Variants in ZNF384 observed in about 807,000 individuals in gnomAD.
ZNF384 encodes CAG repeat protein 1.
A neutral mutation model predicts 65.0 loss-of-function variants in ZNF384; 20 were observed. That is an observed-to-expected ratio of 0.31 (90% CI 0.22 to 0.45). The LOEUF (loss-of-function observed/expected upper bound fraction) is 0.45, where lower values mean the gene tolerates loss of function less well. Ranked by LOEUF, ZNF384 falls within the 20% of genes least tolerant of loss-of-function variation. The probability of loss-of-function intolerance (pLI) is 1.00; values close to 1 mark genes in which losing one functional copy is unlikely to be tolerated. For missense variants in ZNF384, 549 were observed against 769.4 expected, an observed-to-expected ratio of 0.71 and a Z score of 3.39; for synonymous variants, 310 against 303.9, an observed-to-expected ratio of 1.02 and a Z score of -0.21.
intron 7 of ZNF384, among the ~76,000 whole-genome samples, chr12:6,676,795 TATG>T (rs1285573092): frequency 2.0e-5 from 3 of 152,200 alleles, no homozygotes; most frequent in Non-Finnish European, 4.4e-5. Flanking sequence ...ACCTTTATAA[TATG>T]ATATGATGGA....
intron 2 of ZNF384, among the ~76,000 whole-genome samples, chr12:6,685,415 G>A (rs1261018077): frequency 6.6e-6 from 1 of 152,124 alleles, no homozygotes; most frequent in Non-Finnish European, 1.5e-5. Context: ...CTGGCAGGCT[G>A]AAAATCTGGG....
Position 6,668,994 on chromosome 12 carries a change from G to A in ZNF384, c.1425+37C>T, listed in dbSNP as rs773689901. ...GGGTGAAGTGGACTGTACTCTTAGA[G>A]GACTATGAGGAAGGAGAGAAGAAAC... On this transcript the variant is annotated intron_variant, in intron 11 of 11. Transcript: ENST00000683879. 4.5e-6 allele frequency: 7 copies of A among 1,572,072 alleles called. No individual in the cohort carries two copies. The African/African-American group carries it at 5.4e-5, about 12-fold the overall frequency.
chr12:6,676,966 C>T (rs889748949), intron 7 of ZNF384, among the ~76,000 whole-genome samples: 1 of 152,204 alleles, frequency 6.6e-6, no homozygotes, highest in Non-Finnish European at 1.5e-5. Flanking sequence ...TTTAAACACT[C>T]TGTAGGCTAC....
Position 6,673,210 on chromosome 12 carries a change from C to T in ZNF384, c.1004+6G>A. 1 of 1,613,358 alleles carries T rather than the reference C, an allele frequency of 6.2e-7. No individual in the cohort carries two copies. The highest frequency in any genetic ancestry group is 8.5e-7 in the Non-Finnish European group (1 of 1,179,578). ...AGGTGGTGGGGTAAACCAAGAGCAGCCTTACCGGGTGTGCTGCTGAAGGTG... is the reference window on the plus strand; with the variant it reads ...AGGTGGTGGGGTAAACCAAGAGCAGTCTTACCGGGTGTGCTGCTGAAGGTG... On this transcript the variant is annotated splice_donor_region_variant and intron_variant, in intron 8 of 11. Transcript: ENST00000683879. This position sits in a 1 kb window ranked among gnomAD's most constrained non-coding sequence, Gnocchi z 4.7.
chr12:6,676,236 G>A (rs1420247071), intron 7 of ZNF384, among the ~76,000 whole-genome samples: 2 of 152,104 alleles, frequency 1.3e-5, no homozygotes, highest in South Asian at 4.1e-4. Context: ...GGTGGCAGAA[G>A]TTAAGAGTGA....
rs193291165 is a variant in ZNF384, at chr12:6,682,653, A to C, written c.-5-3128T>G. On this transcript the variant is annotated intron_variant, in intron 2 of 11. Transcript: ENST00000683879. The stretch of plus-strand genomic sequence containing the variant: ...AAACCCTGTCTCAAAAACAAACAAA[A>C]AACAAAACAAAGCAAAGATGGGAGT... Among the ~76,000 whole-genome samples, 22 of 152,336 alleles carry C rather than the reference A, an allele frequency of 1.4e-4. No individual in the cohort carries two copies. The East Asian group carries it at 3.9e-3, about 27-fold the overall frequency.
chr12:6,681,120 G>A (rs1188631954), intron 2 of ZNF384, among the ~76,000 whole-genome samples: 2 of 151,632 alleles, frequency 1.3e-5, no homozygotes, highest in African/African-American at 4.9e-5. Flanking sequence ...TTGGGAGGCT[G>A]AGGCAAGAGA....
intron 2 of ZNF384, among the ~76,000 whole-genome samples, chr12:6,684,661 G>A (rs1323382240): frequency 6.6e-6 from 1 of 152,138 alleles, no homozygotes; most frequent in East Asian, 1.9e-4. Context: ...CCAAAAGGGA[G>A]ACCACAGAGA....
chr12:6,685,140 T>C (rs1957441592), intron 2 of ZNF384, among the ~76,000 whole-genome samples: 1 of 151,858 alleles, frequency 6.6e-6, no homozygotes, highest in Admixed American at 6.6e-5. Context: ...CTGGGCAAAA[T>C]AGGGAGACCC....
chr12:6,678,832 T>A lies in ZNF384; in HGVS notation c.304+114A>T. 6.8e-7 allele frequency: 1 copy of A among 1,476,474 alleles called. No individual in the cohort carries two copies. Among genetic ancestry groups the A allele is most frequent in the Non-Finnish European group, 9.4e-7 (1 of 1,064,046 alleles). The allele number at this position is 1,476,474 out of a possible 1,614,324, so 91.5% of individuals were successfully genotyped here. A position where few individuals can be genotyped will look rare whatever the true frequency, so the allele number is the denominator to read the frequency against. On this transcript the variant is annotated intron_variant, in intron 4 of 11. Coordinates refer to ENST00000683879, the MANE Select transcript of ZNF384 (RefSeq NM_001385745.1). This position sits in a 1 kb window ranked among gnomAD's most constrained non-coding sequence, Gnocchi z 4.9. ...CACACAGTAGGCACTTAATAAAAAT[T>A]TGATTGAATAATCAAACACATATCC...
chr12:6,667,704 G>A lies in ZNF384; in HGVS notation c.*10C>T. ...TTCTTCCTCTTCCCAGTGGGTGGCA[G>A]CACGGATCTCTAAGAGCTGGCCAGG... is the stretch of plus-strand genomic sequence containing the variant. On this transcript the variant is annotated 3_prime_UTR_variant, in exon 12 of 12. Transcript: ENST00000683879. The A allele has an allele frequency of 6.2e-7, 1 of 1,614,104 alleles. No homozygotes were observed. Among genetic ancestry groups the A allele is most frequent in the Non-Finnish European group, 8.5e-7 (1 of 1,180,028 alleles).
chr12:6,683,661 CAAAAAAA>C (rs550687196), intron 2 of ZNF384, among the ~76,000 whole-genome samples: 4,714 of 66,704 alleles, frequency 0.071, 306 homozygotes, highest in African/African-American at 0.18. Context: ...GACCCTGTCT[CAAAAAAA>C]AAAAAAAAAA....
intron 2 of ZNF384, among the ~76,000 whole-genome samples, chr12:6,686,044 C>G (rs1026362644): frequency 2.0e-5 from 3 of 152,184 alleles, no homozygotes; most frequent in Non-Finnish European, 4.4e-5. Flanking sequence ...GATGACATGG[C>G]CTCCAGCAGG....
chr12:6,686,531 G>A (rs1957966136), intron 2 of ZNF384, among the ~76,000 whole-genome samples: 1 of 152,214 alleles, frequency 6.6e-6, no homozygotes, highest in Non-Finnish European at 1.5e-5. Context: ...TGAGATTACA[G>A]GCGTAAGCCA....
rs1484158061 is a variant in ZNF384, at chr12:6,667,139, AAGG to A, written c.*572_*574del. 4 of 244,188 alleles carry A rather than the reference AAGG, an allele frequency of 1.6e-5. No individual in the cohort carries two copies. The highest frequency in any genetic ancestry group is 1.3e-4 in the South Asian group (1 of 7,686). 15.1% of individuals were successfully genotyped at this position (244,188 alleles called of 1,614,324 possible). On this transcript the variant is annotated 3_prime_UTR_variant, in exon 12 of 12. Transcript: ENST00000683879. ...CTCAGCCCTTGCCCCCTTCAAATAA[AAGG>A]AGGTCTAGCCCCTACCCCAAATCTC...
intron 7 of ZNF384, among the ~76,000 whole-genome samples, chr12:6,675,142 G>A (rs543553511): frequency 1.3e-5 from 2 of 152,288 alleles, no homozygotes; most frequent in Admixed American, 1.3e-4. Flanking sequence ...AAGAGAACTT[G>A]CAAAACTTAA....
intron 2 of ZNF384, among the ~76,000 whole-genome samples, chr12:6,683,446 G>T (rs80168188): frequency 0.02 from 3,037 of 151,900 alleles, 118 homozygotes; most frequent in African/African-American, 0.07. Flanking sequence ...GGGAGGGCGA[G>T]GTAGGTGGGT....
chr12:6,677,701 T>C (rs1440494524), intron 6 of ZNF384, among the ~76,000 whole-genome samples: 2 of 152,070 alleles, frequency 1.3e-5, no homozygotes, highest in African/African-American at 2.4e-5. Context: ...GCAGGCTCAG[T>C]GTTCAAATGC....
At chr12:6,685,322 C>CAAAAAGA (rs1555097836) in intron 2 of ZNF384, among the ~76,000 whole-genome samples, 1 of 146,314 alleles carries the variant, frequency 6.8e-6, no homozygotes, top group Non-Finnish European at 1.5e-5. Flanking sequence ...GACCCTGTCT[C>CAAAAAGA]AAAAAGAAAA....
Sources: gnomAD v4.1 joint callset for allele counts (sites outside exome capture counted in the v4.1 genomes callset) on GRCh38, gnomAD v4.1.1 for gene constraint, Gnocchi (gnomAD v3.1) non-coding constraint, MANE v1.5 for transcripts, NCBI Gene and HGNC (gene_info 2026-07-23, HGNC 2026-07-21) for gene names.